Variants in TXLNB observed in about 807,000 individuals in gnomAD.
TXLNB encodes taxilin beta.
In TXLNB, 37 loss-of-function variants were observed where a neutral mutation model predicts 57.4. That is an observed-to-expected ratio of 0.64 (90% CI 0.50 to 0.85). The LOEUF (loss-of-function observed/expected upper bound fraction) is 0.85. TXLNB is among the 40% of genes least tolerant of loss of function. The pLI is 0.00. For missense variants in TXLNB, 848 were observed against 825.6 expected (o/e 1.03, Z -0.33); for synonymous variants, 302 against 309.6 (o/e 0.98, Z 0.26).
At chr6:139,196,364 GGTTTTTTTT>G in the TXLNB span, among the ~76,000 whole-genome samples, 280 of 86,734 alleles carry the variant, frequency 3.2e-3, 10 homozygotes, top group African/African-American at 0.013. Context: ...CTCCAGATCT[GGTTTTTTTT>G]TTTTTTTTTT....
At chr6:139,243,523 T>A (rs975963284) in intron 9 of TXLNB, among the ~76,000 whole-genome samples, 3 of 146,618 alleles carry the variant, frequency 2.0e-5, no homozygotes, top group African/African-American at 7.8e-5. Flanking sequence ...CATTGTGTAC[T>A]AGACTGGTAG....
intron 2 of TXLNB, among the ~76,000 whole-genome samples, chr6:139,277,669 C>T (rs1202251704): frequency 1.3e-5 from 2 of 152,080 alleles, no homozygotes; most frequent in African/African-American, 4.8e-5. Context: ...CCCACCTAGG[C>T]CTTAATATCC....
the TXLNB span, chr6:139,178,281 G>C: frequency 6.6e-6 from 1 of 152,058 alleles, no homozygotes; most frequent in East Asian, 1.9e-4. Flanking sequence ...TCAGAGCATT[G>C]GGCATTCCAA....
chr6:139,215,656 C>T, the TXLNB span, among the ~76,000 whole-genome samples: 1 of 152,102 alleles, frequency 6.6e-6, no homozygotes, highest in South Asian at 2.1e-4. Flanking sequence ...AGCTTCTGCA[C>T]AGCAAAAGAA....
In TXLNB at chr6:139,241,513, C is replaced by T. The variant is rs776211054; in HGVS notation, c.*1013G>A. 2 of 152,158 alleles carry T rather than the reference C, an allele frequency of 1.3e-5. No individual in the cohort carries two copies. Among genetic ancestry groups the T allele is most frequent in the African/African-American group, 2.4e-5 (1 of 41,418 alleles). 9.4% of individuals were successfully genotyped at this position (152,158 alleles called of 1,614,324 possible). On this transcript the variant is annotated 3_prime_UTR_variant, in exon 10 of 10. Transcript: ENST00000358430. ...CACAGCCCCTTCTTAGTGTGAGGTC[C>T]CTTAACCCCTCAATCCCTAGCTCCC...
At chr6:139,163,026 C>T in the TXLNB span, among the ~76,000 whole-genome samples, 1 of 152,222 alleles carries the variant, frequency 6.6e-6, no homozygotes, top group Admixed American at 6.5e-5. Context: ...CTACCTCTGA[C>T]CTGCCCTCCA....
At chr6:139,212,242 C>T in the TXLNB span, among the ~76,000 whole-genome samples, 29 of 152,144 alleles carry the variant, frequency 1.9e-4, no homozygotes, top group African/African-American at 7.0e-4. Flanking sequence ...GGTCGGGTTA[C>T]CCACAAAGGG....
chr6:139,215,113 A>G, the TXLNB span, among the ~76,000 whole-genome samples: 7 of 151,932 alleles, frequency 4.6e-5, no homozygotes, highest in African/African-American at 1.7e-4. Flanking sequence ...TCTTCAAAGA[A>G]TTGGAAAAAA....
chr6:139,304,895 A>G, the TXLNB span, among the ~76,000 whole-genome samples: 2 of 152,206 alleles, frequency 1.3e-5, no homozygotes, highest in Admixed American at 1.3e-4. Context: ...AAAGGAGAAG[A>G]TACCACCTCA....
At chr6:139,194,209 G>A in the TXLNB span, among the ~76,000 whole-genome samples, 15 of 152,244 alleles carry the variant, frequency 9.9e-5, no homozygotes, top group East Asian at 1.9e-3. Context: ...CCAAAGTGCC[G>A]GGATTACAGG....
At chr6:139,280,002 G>C (rs144930454) in intron 2 of TXLNB, among the ~76,000 whole-genome samples, 9 of 152,102 alleles carry the variant, frequency 5.9e-5, no homozygotes, top group Non-Finnish European at 1.0e-4. Flanking sequence ...CTGGCCGAGC[G>C]TGGTGGCTCA....
chr6:139,255,991 A>G (rs1583000252), intron 6 of TXLNB, among the ~76,000 whole-genome samples: 1 of 151,918 alleles, frequency 6.6e-6, no homozygotes, highest in East Asian at 1.9e-4. Context: ...CTGAGGCAGG[A>G]GGATCACTTG....
At chr6:139,198,245 A>G in the TXLNB span, among the ~76,000 whole-genome samples, 1 of 151,614 alleles carries the variant, frequency 6.6e-6, no homozygotes, top group African/African-American at 2.4e-5. Flanking sequence ...GGGAAGCAAC[A>G]TGCCCAGACA....
chr6:139,203,914 A>G, the TXLNB span, among the ~76,000 whole-genome samples: 1 of 152,198 alleles, frequency 6.6e-6, no homozygotes, highest in African/African-American at 2.4e-5. Flanking sequence ...GTTCTGGTAT[A>G]TGTATGAATT....
At chr6:139,215,520 A>G in the TXLNB span, among the ~76,000 whole-genome samples, 3 of 152,188 alleles carry the variant, frequency 2.0e-5, no homozygotes, top group African/African-American at 7.2e-5. Context: ...AACCATAAAA[A>G]CCCTAGAAGA....
the TXLNB span, among the ~76,000 whole-genome samples, chr6:139,165,597 T>G: frequency 6.6e-6 from 1 of 152,104 alleles, no homozygotes; most frequent in African/African-American, 2.4e-5. Context: ...TTTTTTTTTT[T>G]TTTTACTGAC....
intron 4 of TXLNB, among the ~76,000 whole-genome samples, chr6:139,265,859 A>G (rs923866348): frequency 1.3e-5 from 2 of 152,184 alleles, no homozygotes; most frequent in African/African-American, 2.4e-5. Flanking sequence ...CTTTCATATT[A>G]GAAGAATAAG....
chr6:139,285,902 T>C (rs1777161387), intron 2 of TXLNB, among the ~76,000 whole-genome samples: 1 of 145,500 alleles, frequency 6.9e-6, no homozygotes, highest in African/African-American at 2.5e-5. Context: ...GAAAGTGACT[T>C]TACCCACGAG....
At chr6:139,186,748 T>G in the TXLNB span, among the ~76,000 whole-genome samples, 3,225 of 152,228 alleles carry the variant, frequency 0.021, 119 homozygotes, top group African/African-American at 0.073. Flanking sequence ...TGAACAAAAT[T>G]GCAATATGCA....
Sources: allele counts gnomAD v4.1 joint callset (sites outside exome capture counted in the v4.1 genomes callset), GRCh38; gene constraint gnomAD v4.1.1; transcripts MANE v1.5; gene names NCBI Gene and HGNC (gene_info 2026-07-23, HGNC 2026-07-21).